The following SCFD1 variants were observed in gnomAD, a reference collection of about 807,000 sequenced individuals.
SCFD1 encodes the protein sec1 family domain containing 1.
In SCFD1, 37 loss-of-function variants were observed where a neutral mutation model predicts 103.2. The observed-to-expected ratio is 0.36, with a 90% CI of 0.28 to 0.47. SCFD1 has a LOEUF of 0.47. SCFD1 is among the 20% of genes least tolerant of loss of function. SCFD1 has a pLI of 1.00. For missense variants in SCFD1, 639 were observed against 761.2 expected (o/e 0.84, Z 1.89); for synonymous variants, 264 against 245.0 (o/e 1.08, Z -0.73).
intron 22 of SCFD1, among the ~76,000 whole-genome samples, 156 bp from the exon 23 acceptor site, chr14:30,722,338 A>G (rs574430181): frequency 6.6e-6 from 1 of 152,280 alleles, no homozygotes; most frequent in Admixed American, 6.5e-5. Flanking sequence ...GACATTAGAA[A>G]TTTATAAATT....
At chr14:30,651,970 A>G (rs928359519) in intron 9 of SCFD1, among the ~76,000 whole-genome samples, 2 of 152,082 alleles carry the variant, frequency 1.3e-5, no homozygotes, top group African/African-American at 2.4e-5. Context: ...GCACACCACA[A>G]CCCCCTATAA....
At chr14:30,721,658 A>T (rs1243496313) in intron 21 of SCFD1, 4 of 511,772 alleles carry the variant, frequency 7.8e-6, no homozygotes, top group Non-Finnish European at 1.4e-5. Context: ...GGGTTGACCC[A>T]TTTCCTTTTA....
At chr14:30,689,747 C>T (rs1157033077) in intron 14 of SCFD1, among the ~76,000 whole-genome samples, 6 of 100,828 alleles carry the variant, frequency 6.0e-5, no homozygotes, top group African/African-American at 8.1e-5. Flanking sequence ...AACTTCTTTG[C>T]CTTTGGTTTG....
chr14:30,703,177 T>G (rs1594733350), intron 17 of SCFD1, among the ~76,000 whole-genome samples: 1 of 151,742 alleles, frequency 6.6e-6, no homozygotes, highest in Non-Finnish European at 1.5e-5. Flanking sequence ...AGGAAACAAT[T>G]AACAAATAAG....
At chr14:30,683,173 G>T in intron 14 of SCFD1, 1 of 1,091,668 alleles carries the variant, frequency 9.2e-7, no homozygotes, top group Non-Finnish European at 1.4e-6. Context: ...TCTCCTAGTA[G>T]GCTGGAGATG....
At chr14:30,642,934 G>A (rs759209879) in intron 6 of SCFD1, among the ~76,000 whole-genome samples, 1 of 152,168 alleles carries the variant, frequency 6.6e-6, no homozygotes, top group Non-Finnish European at 1.5e-5. Context: ...CCCTTTGGGA[G>A]GCCAAGGTAG....
At chr14:30,734,617 T>C (rs993559340) in intron 23 of SCFD1, 173 bp from the exon 24 acceptor site, 22 of 583,516 alleles carry the variant, frequency 3.8e-5, no homozygotes, top group African/African-American at 3.7e-4. Flanking sequence ...TTCACCACTT[T>C]ATTCCTCTTT....
chr14:30,675,121 A>G, intron 14 of SCFD1, 56 bp downstream of exon 14: 1 of 902,778 alleles, frequency 1.1e-6, no homozygotes, highest in Non-Finnish European at 1.7e-6. Flanking sequence ...AGGGTTTTAT[A>G]CTTTGTAAGA....
intron 15 of SCFD1, among the ~76,000 whole-genome samples, chr14:30,698,614 G>T (rs1020381571): frequency 1.3e-5 from 2 of 152,290 alleles, no homozygotes; most frequent in Admixed American, 1.3e-4. Context: ...TCCCAAGCGG[G>T]TAGGACAAGC....
At chr14:30,665,294 G>C (rs571981911) in intron 10 of SCFD1, among the ~76,000 whole-genome samples, 1 of 152,324 alleles carries the variant, frequency 6.6e-6, no homozygotes, top group South Asian at 2.1e-4. Context: ...GCCAAACTAA[G>C]CTTCAGAAGT....
In SCFD1 at chr14:30,721,920, A is replaced by G. The variant is rs775658708; in HGVS notation, c.1770+3A>G. On this transcript the variant is annotated splice_donor_region_variant and intron_variant, in intron 22 of 24. Coordinates refer to ENST00000458591, the MANE Select transcript of SCFD1 (RefSeq NM_016106.4). Reference sequence around the variant, plus strand: ...GAAATAAAAATCCATTCCAAGAGGTAAGTTTCATATAAAAATTCTCTGTTC... The same window carrying G: ...GAAATAAAAATCCATTCCAAGAGGTGAGTTTCATATAAAAATTCTCTGTTC... 12 of 1,602,292 alleles carry G rather than the reference A, an allele frequency of 7.5e-6. No individual in the cohort carries two copies. The East Asian group carries it at 2.5e-4, about 33-fold the overall frequency.
chr14:30,645,207 C>T (rs1005003083), intron 7 of SCFD1, among the ~76,000 whole-genome samples: 1 of 152,052 alleles, frequency 6.6e-6, no homozygotes, highest in African/African-American at 2.4e-5. Flanking sequence ...GTTTTTGTAC[C>T]ATGCTGTTTT....
intron 10 of SCFD1, among the ~76,000 whole-genome samples, chr14:30,659,523 G>A (rs1328827269): frequency 6.6e-6 from 1 of 152,112 alleles, no homozygotes; most frequent in Non-Finnish European, 1.5e-5. Context: ...AATTGCTTAT[G>A]AGTTGAAATT....
intron 23 of SCFD1, among the ~76,000 whole-genome samples, chr14:30,723,018 C>A (rs1401966074): frequency 6.6e-6 from 1 of 151,926 alleles, no homozygotes; most frequent in African/African-American, 2.4e-5. Flanking sequence ...AAAGGGAGTG[C>A]AGGGAGTAGC....
At chr14:30,622,496 T>TG in intron 1 of SCFD1, 97 bp downstream of exon 1, 1 of 1,494,484 alleles carries the variant, frequency 6.7e-7, no homozygotes, top group Non-Finnish European at 9.0e-7. Flanking sequence ...CTCCAGGAGT[T>TG]TAATCCAGTC....
intron 1 of SCFD1, among the ~76,000 whole-genome samples, chr14:30,625,616 CCTAT>C (rs1883324870): frequency 3.0e-5 from 2 of 67,096 alleles, no homozygotes; most frequent in Admixed American, 1.8e-4. Context: ...TATAGGTATA[CCTAT>C]ATAGGTATAG....
intron 14 of SCFD1, among the ~76,000 whole-genome samples, chr14:30,679,886 GA>G (rs1448382360): frequency 6.6e-6 from 1 of 152,054 alleles, no homozygotes; most frequent in Non-Finnish European, 1.5e-5. Flanking sequence ...TAAGACAGAG[GA>G]AAAATATATT....
At chr14:30,669,753 G>GT (rs1888370028) in intron 10 of SCFD1, 1 of 152,450 alleles carries the variant, frequency 6.6e-6, no homozygotes, top group Non-Finnish European at 1.5e-5. Flanking sequence ...CTCTCTAAGA[G>GT]TTTAAAAATA....
At chr14:30,706,727 A>G (rs1372660309) in intron 18 of SCFD1, among the ~76,000 whole-genome samples, 2 of 152,178 alleles carry the variant, frequency 1.3e-5, no homozygotes, top group Non-Finnish European at 2.9e-5. Context: ...TTGGTACCAT[A>G]CAGTTTCCAA....
Sources: allele counts gnomAD v4.1 joint callset (sites outside exome capture counted in the v4.1 genomes callset), GRCh38; gene constraint gnomAD v4.1.1; transcripts MANE v1.5; gene names NCBI Gene and HGNC (gene_info 2026-07-23, HGNC 2026-07-21).